The following NT5C3A variants were observed in gnomAD, a reference collection of about 807,000 sequenced individuals.
The protein encoded by NT5C3A is 5'-nucleotidase, cytosolic IIIA.
NT5C3A carries 23 observed loss-of-function variants against 40.0 expected under a neutral mutation model. The ratio of observed to expected loss-of-function variants is 0.58; its 90% CI spans 0.41 to 0.81. The LOEUF is 0.81. NT5C3A is among the 40% of genes least tolerant of loss of function. The probability of loss-of-function intolerance (pLI) is 0.00; values close to 1 mark genes in which losing one functional copy is unlikely to be tolerated. For missense variants in NT5C3A, 328 were observed against 403.0 expected (o/e 0.81, Z 1.59); for synonymous variants, 130 against 141.4 (o/e 0.92, Z 0.57).
chr7:33,053,346 C>T lies in NT5C3A; in HGVS notation c.138+9222G>A, dbSNP rs147345183. Among the ~76,000 whole-genome samples the T allele has an allele frequency of 1.3e-3, 194 of 152,196 alleles. 9 individuals carry two copies. The East Asian group carries it at 0.019, about 15-fold the overall frequency. On this transcript the variant is annotated intron_variant, in intron 1 of 8. Transcript: ENST00000610140. ...GGGATTACAGGTTTGTGCCACCACG[C>T]CTGGCTAATTTTTGTATTTTTAGTA...
At chr7:33,016,375 A>C (rs1186317490) in intron 7 of NT5C3A, among the ~76,000 whole-genome samples, 3 of 145,454 alleles carry the variant, frequency 2.1e-5, no homozygotes, top group East Asian at 2.0e-4. Flanking sequence ...CTCTGTCTCA[A>C]AAAAAAAAAA....
intron 1 of NT5C3A, among the ~76,000 whole-genome samples, chr7:33,037,113 A>C (rs1786650115): frequency 1.3e-5 from 2 of 152,134 alleles, no homozygotes; most frequent in Non-Finnish European, 2.9e-5. Flanking sequence ...CCCGGCCTAA[A>C]ATCTTTAATT....
At chr7:33,046,665 C>T (rs1464121091) in intron 1 of NT5C3A, among the ~76,000 whole-genome samples, 3 of 152,046 alleles carry the variant, frequency 2.0e-5, no homozygotes, top group Non-Finnish European at 4.4e-5. Context: ...AAACTTTTAG[C>T]AGAAATGACA....
intron 1 of NT5C3A, among the ~76,000 whole-genome samples, chr7:33,058,219 A>T (rs1239633589): frequency 6.6e-6 from 1 of 152,240 alleles, no homozygotes; most frequent in African/African-American, 2.4e-5. Context: ...AACTGGATAG[A>T]AGTAATGAAT....
At chr7:33,049,631 ATTT>A (rs2128015452) in intron 1 of NT5C3A, among the ~76,000 whole-genome samples, 1 of 152,280 alleles carries the variant, frequency 6.6e-6, no homozygotes, top group East Asian at 1.9e-4. Context: ...ACAAAATAGA[ATTT>A]TTATTCTATT....
chr7:33,061,438 A>T (rs2128022744), intron 1 of NT5C3A, among the ~76,000 whole-genome samples: 1 of 152,206 alleles, frequency 6.6e-6, no homozygotes, highest in African/African-American at 2.4e-5. Flanking sequence ...CCCAGGCTGG[A>T]GTGCAGTAGC....
At chr7:33,033,896 T>TATATATATATAA (rs10691796) in intron 1 of NT5C3A, among the ~76,000 whole-genome samples, 8 of 120,152 alleles carry the variant, frequency 6.7e-5, no homozygotes, top group African/African-American at 2.4e-4. Flanking sequence ...ATATATATAA[T>TATATATATATAA]TTTTTTTTTT....
intron 1 of NT5C3A, among the ~76,000 whole-genome samples, chr7:33,042,851 T>C (rs140098360): frequency 6.6e-6 from 1 of 152,320 alleles, no homozygotes; most frequent in Admixed American, 6.5e-5. Context: ...TCTGGGAAAC[T>C]TGAAACAACC....
chr7:33,062,329 G>A (rs1467138844), intron 1 of NT5C3A, among the ~76,000 whole-genome samples: 8 of 152,188 alleles, frequency 5.3e-5, no homozygotes, highest in African/African-American at 1.9e-4. Flanking sequence ...AAAGACCACG[G>A]GCAGCCAAGG....
At chr7:33,025,619 A>G (rs541023878) in intron 2 of NT5C3A, among the ~76,000 whole-genome samples, 20 of 152,352 alleles carry the variant, frequency 1.3e-4, no homozygotes, top group African/African-American at 4.6e-4. Context: ...GAGCAGCATA[A>G]AACTAAACAC....
At chr7:33,026,764 A>T in intron 2 of NT5C3A, 53 bp downstream of exon 2, 4 of 1,245,174 alleles carry the variant, frequency 3.2e-6, no homozygotes, top group Non-Finnish European at 4.7e-6. Context: ...AAAGTGCTGG[A>T]ATTACAGGCA....
At chr7:33,050,456 ATT>A (rs1787321208) in intron 1 of NT5C3A, among the ~76,000 whole-genome samples, 1 of 152,216 alleles carries the variant, frequency 6.6e-6, no homozygotes, top group African/African-American at 2.4e-5. Flanking sequence ...AACCCTAACC[ATT>A]TGACAGAGAA....
chr7:33,017,417 A>T, intron 7 of NT5C3A, 22 bp downstream of exon 7: 1 of 1,539,728 alleles, frequency 6.5e-7, no homozygotes, highest in Non-Finnish European at 9.0e-7. Context: ...TAAAATTATG[A>T]AGAACGATTT....
At chr7:33,039,714 G>A (rs1170604384) in intron 1 of NT5C3A, among the ~76,000 whole-genome samples, 1 of 151,564 alleles carries the variant, frequency 6.6e-6, no homozygotes, top group Admixed American at 6.6e-5. Flanking sequence ...TGGGGAAAAA[G>A]AAACACACAC....
rs931119275 is a variant in NT5C3A, at chr7:33,014,254, T to C, written c.*476A>G. Reference sequence around the variant, plus strand: ...CTAACTGCTAGTCTTTTCCAGTAAATATTTTTTCCCCAGACAAAATAACCA... The same window carrying C: ...CTAACTGCTAGTCTTTTCCAGTAAACATTTTTTCCCCAGACAAAATAACCA... On this transcript the variant is annotated 3_prime_UTR_variant, in exon 9 of 9. Coordinates refer to ENST00000610140, the MANE Select transcript of NT5C3A (RefSeq NM_001002010.5). 3 of 454,408 alleles carry C rather than the reference T, an allele frequency of 6.6e-6. No individual in the cohort carries two copies. Among genetic ancestry groups the C allele is most frequent in the Non-Finnish European group, 1.3e-5 (3 of 226,802 alleles). The allele number at this position is 454,408 out of a possible 1,614,324, so 28.1% of individuals were successfully genotyped here.
At chr7:33,061,392 A>AC (rs928909574) in intron 1 of NT5C3A, among the ~76,000 whole-genome samples, 3 of 152,144 alleles carry the variant, frequency 2.0e-5, no homozygotes, top group African/African-American at 7.2e-5. Flanking sequence ...GTGGGAATTA[A>AC]CTTTTTTTTT....
At chr7:33,049,051 A>C (rs1030565816) in intron 1 of NT5C3A, among the ~76,000 whole-genome samples, 1 of 152,206 alleles carries the variant, frequency 6.6e-6, no homozygotes, top group African/African-American at 2.4e-5. Context: ...ACTGTTTACA[A>C]CTTTATGTAT....
rs559064559 is a variant in NT5C3A, at chr7:33,052,479, C to T, written c.138+10089G>A. ...CCAGCCTGGGCAACAGAGAGAGACTCGGTCTCAAAAAAAAAAAAAAAAAAA... is the reference window on the plus strand; with the variant it reads ...CCAGCCTGGGCAACAGAGAGAGACTTGGTCTCAAAAAAAAAAAAAAAAAAA... On this transcript the variant is annotated intron_variant, in intron 1 of 8. Coordinates refer to ENST00000610140, the MANE Select transcript of NT5C3A (RefSeq NM_001002010.5). 7.0e-5 allele frequency among the ~76,000 whole-genome samples: 5 copies of T among 71,544 alleles called. No individual in the cohort carries two copies. In the East Asian group the frequency reaches 1.1e-3, roughly 16 times the overall value. 46.9% of individuals were successfully genotyped at this position (71,544 alleles called of 152,430 possible).
intron 2 of NT5C3A, among the ~76,000 whole-genome samples, chr7:33,026,070 C>T (rs1460339037): frequency 1.3e-5 from 2 of 152,166 alleles, no homozygotes; most frequent in African/African-American, 4.8e-5. Context: ...CCTGTAATCC[C>T]AGCTGCTCTG....
Sources: gnomAD v4.1 joint callset for allele counts (sites outside exome capture counted in the v4.1 genomes callset) on GRCh38, gnomAD v4.1.1 for gene constraint, MANE v1.5 for transcripts, NCBI Gene and HGNC (gene_info 2026-07-23, HGNC 2026-07-21) for gene names.